Variants in BAZ2B observed in about 807,000 individuals in gnomAD.
BAZ2B encodes the protein bromodomain adjacent to zinc finger domain 2B, also known as bromodomain adjacent to zinc finger domain protein 2B.
A neutral mutation model predicts 246.0 loss-of-function variants in BAZ2B; 91 were observed. That is an observed-to-expected ratio of 0.37 (90% CI 0.31 to 0.44). The LOEUF is 0.44. Among genes scored for constraint, BAZ2B ranks in the 20% least tolerant of loss-of-function variants. The pLI, the probability that BAZ2B is intolerant of heterozygous loss-of-function variation, is 1.00. For synonymous variants in BAZ2B, 855 were observed against 860.0 expected (o/e 0.99, Z 0.10); for missense variants, 2,332 against 2,533.7 (o/e 0.92, Z 1.71).
At chr2:159,697,610 A>C in the BAZ2B span, among the ~76,000 whole-genome samples, 3 of 152,204 alleles carry the variant, frequency 2.0e-5, no homozygotes, top group African/African-American at 7.2e-5. Flanking sequence ...TTTGAATCAC[A>C]GTCTATAACA....
At chr2:159,576,054 A>T (rs1297731986) in intron 1 of BAZ2B, among the ~76,000 whole-genome samples, 2 of 152,190 alleles carry the variant, frequency 1.3e-5, no homozygotes, top group African/African-American at 4.8e-5. Flanking sequence ...GCTTCACAAC[A>T]TTACTAAGAA....
At chr2:159,355,764 T>C (rs1286214365) in intron 27 of BAZ2B, among the ~76,000 whole-genome samples, 1 of 151,704 alleles carries the variant, frequency 6.6e-6, no homozygotes, top group African/African-American at 2.4e-5. Flanking sequence ...AGGTGGGTGA[T>C]TTCTGCATTT....
the BAZ2B span, among the ~76,000 whole-genome samples, chr2:159,643,362 ACTCT>A: frequency 1.3e-5 from 2 of 151,854 alleles, no homozygotes; most frequent in African/African-American, 2.4e-5. Flanking sequence ...GGGAAAGTGA[ACTCT>A]CTATCATCTC....
chr2:159,621,930 C>T, the BAZ2B span, among the ~76,000 whole-genome samples: 2 of 152,030 alleles, frequency 1.3e-5, no homozygotes, highest in Non-Finnish European at 2.9e-5. Context: ...CATGGAGAAA[C>T]CCCCATCTCT....
intron 27 of BAZ2B, among the ~76,000 whole-genome samples, chr2:159,363,971 G>T (rs986466918): frequency 6.6e-6 from 1 of 152,160 alleles, no homozygotes; most frequent in East Asian, 1.9e-4. Flanking sequence ...CTTGACTCTG[G>T]AAGTGGCATT....
At chr2:159,414,454 T>G (rs550247803) in intron 13 of BAZ2B, among the ~76,000 whole-genome samples, 1 of 152,334 alleles carries the variant, frequency 6.6e-6, no homozygotes, top group East Asian at 1.9e-4. Context: ...AAAGAAAGGA[T>G]AAATGCTTGA....
rs372827168 is a variant in BAZ2B at position 159,395,762 on chromosome 2, C to T, written c.3075+7G>A. ...AAGGTAATATTTTTCTAGAAACATA[C>T]ACTTACTTCTGCTTTTTTACGAGCT... is the stretch of plus-strand genomic sequence containing the variant. On this transcript the variant is annotated splice_region_variant and intron_variant, in intron 20 of 36. Transcript: ENST00000392783. 1.9e-6 allele frequency: 3 copies of T among 1,601,798 alleles called. No homozygotes were observed. Among genetic ancestry groups the T allele is most frequent in the Non-Finnish European group, 1.7e-6 (2 of 1,170,844 alleles).
chr2:159,546,732 C>A (rs917142621), intron 2 of BAZ2B, among the ~76,000 whole-genome samples: 3 of 151,776 alleles, frequency 2.0e-5, no homozygotes, highest in African/African-American at 4.8e-5. Flanking sequence ...TATGCTCATA[C>A]TGATTTATTT....
intron 2 of BAZ2B, among the ~76,000 whole-genome samples, chr2:159,490,901 G>A (rs943510105): frequency 2.0e-5 from 3 of 152,008 alleles, no homozygotes; most frequent in African/African-American, 7.3e-5. Flanking sequence ...CTCCATTAAC[G>A]TAGGCAAGAT....
Position 159,383,591 on chromosome 2 carries a change from T to C in BAZ2B, c.3761+15A>G, listed in dbSNP as rs1413211391. The C allele has an allele frequency of 6.3e-7, 1 of 1,596,194 alleles. No homozygotes were observed. The highest frequency in any genetic ancestry group is 1.3e-5 in the African/African-American group (1 of 74,404). The stretch of plus-strand genomic sequence containing the variant: ...AAAGAAAACAGTACATTAACTTTAA[T>C]AAAACAGGACTTACTTGCGGAGTTT... On this transcript the variant is annotated intron_variant, in intron 24 of 36. Coordinates refer to ENST00000392783, the MANE Select transcript of BAZ2B (RefSeq NM_013450.4).
intron 13 of BAZ2B, among the ~76,000 whole-genome samples, chr2:159,413,680 C>A (rs1448799348): frequency 6.6e-6 from 1 of 151,930 alleles, no homozygotes; most frequent in East Asian, 1.9e-4. Flanking sequence ...TGCACTCCAG[C>A]CTGCAGGATA....
At chr2:159,687,368 C>T in the BAZ2B span, among the ~76,000 whole-genome samples, 6 of 152,140 alleles carry the variant, frequency 3.9e-5, no homozygotes, top group African/African-American at 1.4e-4. Flanking sequence ...TCAGATGGTT[C>T]CAACATTCAA....
the BAZ2B span, among the ~76,000 whole-genome samples, chr2:159,641,503 T>C: frequency 6.6e-6 from 1 of 152,256 alleles, no homozygotes; most frequent in Admixed American, 6.5e-5. Flanking sequence ...TCTCTCATTC[T>C]GTAGGCAGTC....
rs776464112 is a variant in BAZ2B, at chr2:159,432,835, T to G, written c.1822A>C (p.Asn608His). The change falls in exon 9 of 37, where the codon AAT becomes CAT. Residue 608 changes from asparagine to histidine, a missense_variant. Physicochemically the swap from Asn to His is moderately conservative, Grantham distance 68. Around this residue, in one of 9 missense-constraint regions of BAZ2B, gnomAD observed 651 missense variants for 650.9 expected, o/e 1.00. Coordinates refer to ENST00000392783, the MANE Select transcript of BAZ2B (RefSeq NM_013450.4). ...IPSSKDSEDS[N>H]EDEEEDDEEE... is the part of the protein sequence containing the mutation. The stretch of plus-strand genomic sequence containing the variant: ...TCATCATCTTCCTCTTCATCCTCAT[T>G]TGAATCTTCAGAATCTTTACTACTG... 3 of 1,614,166 alleles carry G rather than the reference T, an allele frequency of 1.9e-6. No individual in the cohort carries two copies. The highest frequency in any genetic ancestry group is 2.7e-5 in the African/African-American group (2 of 75,060).
At chr2:159,455,115 CTT>C (rs1166813785) in intron 3 of BAZ2B, among the ~76,000 whole-genome samples, 2 of 152,036 alleles carry the variant, frequency 1.3e-5, no homozygotes, top group African/African-American at 2.4e-5. Flanking sequence ...CTTATTATCT[CTT>C]GTTTATATTA....
intron 3 of BAZ2B, among the ~76,000 whole-genome samples, chr2:159,467,523 TTTGA>T (rs1237621448): frequency 1.3e-5 from 2 of 152,340 alleles, no homozygotes; most frequent in African/African-American, 4.8e-5. Flanking sequence ...ATCTCTTTGC[TTTGA>T]TTAATTGACT....
chr2:159,687,872 T>C, the BAZ2B span, among the ~76,000 whole-genome samples: 30 of 152,284 alleles, frequency 2.0e-4, no homozygotes, highest in Admixed American at 1.9e-3. Flanking sequence ...TCTAGGTGGA[T>C]AGCATCAGAA....
chr2:159,358,883 G>A (rs2149260759), intron 27 of BAZ2B, among the ~76,000 whole-genome samples: 1 of 152,180 alleles, frequency 6.6e-6, no homozygotes, highest in East Asian at 1.9e-4. Flanking sequence ...ACGAAATGAA[G>A]GCAGAAATAA....
intron 14 of BAZ2B, among the ~76,000 whole-genome samples, chr2:159,406,990 G>C (rs1035535134): frequency 6.6e-6 from 1 of 151,754 alleles, no homozygotes; most frequent in Non-Finnish European, 1.5e-5. Flanking sequence ...TCCTGACCTC[G>C]TGATTCACCT....
Sources: gnomAD v4.1 joint callset for allele counts (sites outside exome capture counted in the v4.1 genomes callset) on GRCh38, gnomAD v4.1.1 for gene constraint, gnomAD v4.1.1 regional missense constraint, MANE v1.5 for transcripts, NCBI Gene and HGNC (gene_info 2026-07-23, HGNC 2026-07-21) for gene names.